SETD3: variants seen among roughly 807,000 people sequenced by gnomAD.
The protein encoded by SETD3 is actin-histidine N-methyltransferase.
Under a neutral mutation model 63.0 loss-of-function variants are expected in SETD3, and 19 were observed. The ratio of observed to expected loss-of-function variants is 0.30; its 90% CI spans 0.21 to 0.44. The LOEUF is 0.44. Ranked by LOEUF, SETD3 falls within the 20% of genes least tolerant of loss-of-function variation. The probability of loss-of-function intolerance (pLI) is 1.00; values close to 1 mark genes in which losing one functional copy is unlikely to be tolerated. For synonymous variants in SETD3, 286 were observed against 264.1 expected (o/e 1.08, Z -0.80); for missense variants, 587 against 728.5 (o/e 0.81, Z 2.24).
chr14:99,481,244 T>C (rs1353674191), upstream of SETD3: 2 of 395,272 alleles, frequency 5.1e-6, no homozygotes, highest in Non-Finnish European at 8.9e-6. Flanking sequence ...CCTCCCTCTG[T>C]AAGCAGCAGC....
At chr14:99,448,070 A>C (rs776935781) in intron 6 of SETD3, among the ~76,000 whole-genome samples, 1 of 152,204 alleles carries the variant, frequency 6.6e-6, no homozygotes, top group Non-Finnish European at 1.5e-5. Flanking sequence ...ACACAACCTT[A>C]AAGACTAAGA....
chr14:99,435,685 T>C (rs2139702870), intron 6 of SETD3, among the ~76,000 whole-genome samples: 1 of 151,868 alleles, frequency 6.6e-6, no homozygotes, highest in South Asian at 2.1e-4. Flanking sequence ...TTTCCTTCCA[T>C]TTCACACCTG....
chr14:99,421,862 A>G (rs898765587), intron 6 of SETD3, among the ~76,000 whole-genome samples: 24 of 152,164 alleles, frequency 1.6e-4, no homozygotes, highest in African/African-American at 5.6e-4. Flanking sequence ...AAGGCAGAGG[A>G]TATCTAGTTG....
intron 12 of SETD3, among the ~76,000 whole-genome samples, chr14:99,399,490 G>T (rs528479591): frequency 5.9e-5 from 9 of 152,296 alleles, no homozygotes; most frequent in African/African-American, 2.2e-4. Context: ...ATCAGTGAAG[G>T]AACGAATAAA....
chr14:99,449,414 T>C (rs1031783030), intron 6 of SETD3, among the ~76,000 whole-genome samples: 8 of 152,222 alleles, frequency 5.3e-5, no homozygotes, highest in African/African-American at 1.9e-4. Flanking sequence ...AAAAGACATA[T>C]TGATTCATGT....
chr14:99,400,031 G>T (rs113644941), intron 12 of SETD3, 68 bp downstream of exon 12: 2 of 1,419,030 alleles, frequency 1.4e-6, no homozygotes, highest in Admixed American at 2.3e-5. Flanking sequence ...GTGAGCCACC[G>T]CACCAAGCCT....
chr14:99,470,941 A>G (rs532360796), intron 1 of SETD3, among the ~76,000 whole-genome samples: 9 of 152,124 alleles, frequency 5.9e-5, no homozygotes, highest in Non-Finnish European at 1.3e-4. Flanking sequence ...TCATTCCCTG[A>G]CATACACACT....
At chr14:99,420,136 T>G (rs1892508517) in intron 6 of SETD3, among the ~76,000 whole-genome samples, 1 of 152,042 alleles carries the variant, frequency 6.6e-6, no homozygotes, top group Non-Finnish European at 1.5e-5. Context: ...AATCTCCAGG[T>G]CCCTGTTGAT....
At chr14:99,481,438 G>T, upstream of SETD3, 1 of 398,712 alleles carries the variant, frequency 2.5e-6, no homozygotes, top group East Asian at 3.6e-5. Flanking sequence ...GGCCGCAGTC[G>T]GCAAGGAGAG....
intron 6 of SETD3, among the ~76,000 whole-genome samples, chr14:99,447,303 C>T (rs907482316): frequency 6.6e-6 from 1 of 152,160 alleles, no homozygotes; most frequent in African/African-American, 2.4e-5. Context: ...CCAAAAGCCA[C>T]TGGAACTAAA....
chr14:99,431,433 C>T (rs1451066983), intron 6 of SETD3, among the ~76,000 whole-genome samples: 3 of 152,118 alleles, frequency 2.0e-5, no homozygotes, highest in East Asian at 3.9e-4. Flanking sequence ...TTCACAAAAA[C>T]GCAGAAAAGT....
chr14:99,400,046 A>C, intron 12 of SETD3, 53 bp downstream of exon 12: 1 of 1,508,300 alleles, frequency 6.6e-7, no homozygotes, highest in South Asian at 1.3e-5. Flanking sequence ...AAGCCTCATT[A>C]AACATCTTAA....
chr14:99,457,604 G>A (rs1286473033), intron 6 of SETD3, among the ~76,000 whole-genome samples: 1 of 152,212 alleles, frequency 6.6e-6, no homozygotes, highest in Non-Finnish European at 1.5e-5. Flanking sequence ...GCTGACTCTT[G>A]AGTGATTCAG....
intron 11 of SETD3, among the ~76,000 whole-genome samples, chr14:99,401,927 C>T (rs1040245434): frequency 6.6e-6 from 1 of 152,130 alleles, no homozygotes; most frequent in Non-Finnish European, 1.5e-5. Flanking sequence ...GAAATAAAGC[C>T]TACAAAAAGG....
intron 6 of SETD3, among the ~76,000 whole-genome samples, chr14:99,444,810 G>C (rs533880665): frequency 4.6e-5 from 7 of 151,780 alleles, no homozygotes; most frequent in African/African-American, 1.7e-4. Flanking sequence ...ACACCAGCCT[G>C]GGTAACAGTA....
chr14:99,470,683 T>A (rs1017870010), intron 1 of SETD3, among the ~76,000 whole-genome samples: 1 of 152,136 alleles, frequency 6.6e-6, no homozygotes, highest in African/African-American at 2.4e-5. Context: ...TGAAGGCAAG[T>A]GTTTCTCGGT....
intron 1 of SETD3, among the ~76,000 whole-genome samples, chr14:99,473,045 A>G (rs1341351687): frequency 6.6e-6 from 1 of 152,224 alleles, no homozygotes; most frequent in African/African-American, 2.4e-5. Context: ...TGGCCCTTTA[A>G]AACACCACAT....
intron 6 of SETD3, among the ~76,000 whole-genome samples, chr14:99,414,903 T>C (rs148299982): frequency 5.8e-4 from 88 of 152,354 alleles, no homozygotes; most frequent in South Asian, 4.8e-3. Flanking sequence ...AGCCTGCAGT[T>C]TTCACTCGTG....
At chr14:99,433,003 A>G (rs1048939901) in intron 6 of SETD3, among the ~76,000 whole-genome samples, 1 of 152,208 alleles carries the variant, frequency 6.6e-6, no homozygotes, top group Non-Finnish European at 1.5e-5. Flanking sequence ...TCATCAAATA[A>G]TATCATTAAG....
Sources: allele counts gnomAD v4.1 joint callset (sites outside exome capture counted in the v4.1 genomes callset), GRCh38; gene constraint gnomAD v4.1.1; transcripts MANE v1.5; gene names NCBI Gene and HGNC (gene_info 2026-07-23, HGNC 2026-07-21).